Variants in PAK1 observed in about 807,000 individuals in gnomAD.
PAK1 encodes the protein serine/threonine-protein kinase PAK 1.
A neutral mutation model predicts 67.4 loss-of-function variants in PAK1; 29 were observed. The ratio of observed to expected loss-of-function variants is 0.43; its 90% CI spans 0.32 to 0.59. The LOEUF (loss-of-function observed/expected upper bound fraction) is 0.59, where lower values mean the gene tolerates loss of function less well. PAK1 is among the 20% of genes least tolerant of loss of function. PAK1 has a pLI of 0.07. For synonymous variants in PAK1, 223 were observed against 237.4 expected (o/e 0.94, Z 0.56); for missense variants, 337 against 670.7 (o/e 0.50, Z 5.50).
At chr11:77,361,894 T>C (rs1236536145) in intron 5 of PAK1, among the ~76,000 whole-genome samples, 1 of 152,128 alleles carries the variant, frequency 6.6e-6, no homozygotes, top group Non-Finnish European at 1.5e-5. Context: ...TACAAAAATA[T>C]TCATCACAGG....
At chr11:77,425,407 C>G (rs796493908) in intron 1 of PAK1, among the ~76,000 whole-genome samples, 1 of 152,084 alleles carries the variant, frequency 6.6e-6, no homozygotes, top group East Asian at 1.9e-4. Flanking sequence ...TAAGAATTGA[C>G]AGTTGTAAAA....
the PAK1 span, among the ~76,000 whole-genome samples, chr11:77,516,226 G>T: frequency 6.6e-6 from 1 of 152,118 alleles, no homozygotes; most frequent in Non-Finnish European, 1.5e-5. Context: ...TCAATGTATG[G>T]TAGCCATTAT....
At chr11:77,454,097 C>G (rs1003716595) in intron 1 of PAK1, among the ~76,000 whole-genome samples, 6 of 152,150 alleles carry the variant, frequency 3.9e-5, no homozygotes, top group African/African-American at 7.2e-5. Flanking sequence ...AAAATTCATA[C>G]TACCTTAGCC....
chr11:77,498,489 C>T, the PAK1 span, among the ~76,000 whole-genome samples: 1 of 148,628 alleles, frequency 6.7e-6, no homozygotes, highest in Non-Finnish European at 1.5e-5. Flanking sequence ...CCGACACACA[C>T]ACACACACAT....
Position 77,379,387 on chromosome 11 carries a change from C to A in PAK1, c.293G>T (p.Gly98Val). The A allele has an allele frequency of 6.2e-7, 1 of 1,612,486 alleles. No individual in the cohort carries two copies. Among genetic ancestry groups the A allele is most frequent in the South Asian group, 1.1e-5 (1 of 90,920 alleles). Reference protein sequence around the residue: ...GFDAVTGEFTGMPEQWARLLQ... With the variant: ...GFDAVTGEFTVMPEQWARLLQ... The stretch of plus-strand genomic sequence containing the variant: ...CAAGCGGGCCCACTGCTCTGGCATT[C>A]CCTGTAAGAGAGACATGCAAGACTA... The change falls in exon 4 of 15, where the codon GGA (glycine) becomes GTA (valine). Residue 98 changes from glycine (G) to valine (V), a missense_variant and splice_region_variant. Transcript: ENST00000356341.
intron 1 of PAK1, among the ~76,000 whole-genome samples, chr11:77,440,586 G>A (rs1199919018): frequency 6.6e-6 from 1 of 152,092 alleles, no homozygotes; most frequent in African/African-American, 2.4e-5. Context: ...ACTCACCTCT[G>A]CTGATTCTAA....
chr11:77,336,048 C>T, intron 13 of PAK1, 38 bp downstream of exon 13: 1 of 1,355,744 alleles, frequency 7.4e-7, no homozygotes, highest in Non-Finnish European at 1.0e-6. Flanking sequence ...CTAGAGACAA[C>T]AGCCCAAATA....
At chr11:77,493,657 A>T in the PAK1 span, among the ~76,000 whole-genome samples, 41 of 150,962 alleles carry the variant, frequency 2.7e-4, no homozygotes, top group Non-Finnish European at 5.5e-4. Context: ...GAGAAAAAGG[A>T]CTCACCACCC....
intron 2 of PAK1, among the ~76,000 whole-genome samples, chr11:77,380,623 T>C (rs1949688949): frequency 6.6e-6 from 1 of 152,218 alleles, no homozygotes; most frequent in South Asian, 2.1e-4. Flanking sequence ...CCCTCCTTGA[T>C]CTCTAGGCTG....
At chr11:77,425,682 CA>C (rs1322109411) in intron 1 of PAK1, among the ~76,000 whole-genome samples, 2 of 152,190 alleles carry the variant, frequency 1.3e-5, no homozygotes, top group African/African-American at 4.8e-5. Flanking sequence ...ACAAGCCTAG[CA>C]CCGTGTAAGG....
At chr11:77,329,542 A>G (rs936725141) in intron 14 of PAK1, among the ~76,000 whole-genome samples, 1 of 152,240 alleles carries the variant, frequency 6.6e-6, no homozygotes, top group Non-Finnish European at 1.5e-5. Context: ...CCACATGATT[A>G]TCTCAATAGA....
chr11:77,384,210 C>A (rs1239886032), intron 2 of PAK1, among the ~76,000 whole-genome samples: 2 of 152,262 alleles, frequency 1.3e-5, no homozygotes, highest in African/African-American at 4.8e-5. Context: ...CTCAGCAAGT[C>A]AACCAAATTT....
At chr11:77,509,679 G>T in the PAK1 span, among the ~76,000 whole-genome samples, 3 of 152,168 alleles carry the variant, frequency 2.0e-5, no homozygotes, top group Admixed American at 6.5e-5. Context: ...GTTTGGCGCT[G>T]TCTTTGTGAT....
intron 1 of PAK1, among the ~76,000 whole-genome samples, chr11:77,431,141 G>A (rs1341870535): frequency 6.6e-6 from 1 of 151,886 alleles, no homozygotes; most frequent in East Asian, 1.9e-4. Flanking sequence ...AAAATGTTGG[G>A]GACCACTGAT....
chr11:77,521,698 G>T, the PAK1 span, among the ~76,000 whole-genome samples: 5 of 152,152 alleles, frequency 3.3e-5, no homozygotes. Flanking sequence ...CCAAGATTTG[G>T]GTGCATGGGG....
At chr11:77,400,691 T>C (rs1478076001) in intron 1 of PAK1, among the ~76,000 whole-genome samples, 1 of 152,208 alleles carries the variant, frequency 6.6e-6, no homozygotes, top group Non-Finnish European at 1.5e-5. Context: ...GGATTAACCA[T>C]TTTTACAACT....
At chr11:77,502,594 A>T in the PAK1 span, among the ~76,000 whole-genome samples, 2 of 152,150 alleles carry the variant, frequency 1.3e-5, no homozygotes, top group East Asian at 3.9e-4. Context: ...CTCTAACCCC[A>T]CATAGCTGGA....
chr11:77,485,044 T>C, the PAK1 span, among the ~76,000 whole-genome samples: 7 of 152,122 alleles, frequency 4.6e-5, no homozygotes, highest in Non-Finnish European at 7.3e-5. Context: ...AAGAACAGCA[T>C]GGGAAAGACC....
chr11:77,387,997 C>A (rs1434303418), intron 2 of PAK1, among the ~76,000 whole-genome samples: 3 of 152,178 alleles, frequency 2.0e-5, no homozygotes, highest in Non-Finnish European at 4.4e-5. Flanking sequence ...TTAGTTATAG[C>A]CATCAAGGGT....
Sources: gnomAD v4.1 joint callset for allele counts (sites outside exome capture counted in the v4.1 genomes callset) on GRCh38, gnomAD v4.1.1 for gene constraint, MANE v1.5 for transcripts, NCBI Gene and HGNC (gene_info 2026-07-23, HGNC 2026-07-21) for gene names.